FAM107A: variants seen among roughly 807,000 people sequenced by gnomAD.
The protein encoded by FAM107A is family with sequence similarity 107 member A, also known as actin-associated protein FAM107A.
In FAM107A, 19 loss-of-function variants were observed where a neutral mutation model predicts 13.7. The ratio of observed to expected loss-of-function variants is 1.38; its 90% CI spans 0.97 to 2.03. FAM107A has a LOEUF of 2.03. Ranked by LOEUF, FAM107A falls within the 30% of genes most tolerant of loss-of-function variation. The probability of loss-of-function intolerance (pLI) is 0.00; values close to 1 mark genes in which losing one functional copy is unlikely to be tolerated. For missense variants in FAM107A, 203 were observed against 184.4 expected (o/e 1.10, Z -0.58); for synonymous variants, 82 against 74.5 (o/e 1.10, Z -0.52).
At chr3:58,574,525 C>G (rs1426700842) in intron 1 of FAM107A, among the ~76,000 whole-genome samples, 1 of 152,150 alleles carries the variant, frequency 6.6e-6, no homozygotes, top group Non-Finnish European at 1.5e-5. Flanking sequence ...TTCTTAGCAG[C>G]TGTGTGATCT....
chr3:58,572,224 A>G (rs971040322), intron 1 of FAM107A, among the ~76,000 whole-genome samples: 5 of 152,162 alleles, frequency 3.3e-5, no homozygotes, highest in Non-Finnish European at 7.3e-5. Flanking sequence ...TGTGGTAGAC[A>G]CTGGACACAC....
At position 58,592,514 on chromosome 3, in the gene FAM107A, G is replaced by T. The variant is rs1323692450; in HGVS notation, c.-69-3245C>A. Among the ~76,000 whole-genome samples the T allele has an allele frequency of 2.0e-5, 3 of 152,182 alleles. No homozygotes were observed. In the South Asian group the frequency reaches 6.2e-4, roughly 32 times the overall value. On this transcript the variant is annotated intron_variant, in intron 1 of 3. Coordinates refer to the FAM107A transcript ENST00000465970. ...TCCCACAGGGTCTGAGAAGGCCACC[G>T]CGGTCATTTCTTCCCTTCTCTCAGA...
chr3:58,583,620 CAAAA>C (rs35261702), intron 1 of FAM107A, among the ~76,000 whole-genome samples: 4 of 147,386 alleles, frequency 2.7e-5, no homozygotes, highest in African/African-American at 1.0e-4. Flanking sequence ...AAAACTCTGT[CAAAA>C]AAAAAAAAAA....
At chr3:58,602,567 T>C (rs1043774609) in intron 1 of FAM107A, among the ~76,000 whole-genome samples, 1 of 152,190 alleles carries the variant, frequency 6.6e-6, no homozygotes, top group African/African-American at 2.4e-5. Context: ...CGTCCAGCGA[T>C]AGGGGATTGA....
chr3:58,610,863 G>A (rs1276732519), intron 1 of FAM107A, among the ~76,000 whole-genome samples: 2 of 152,180 alleles, frequency 1.3e-5, no homozygotes, highest in African/African-American at 4.8e-5. Flanking sequence ...CTGGGCTGCT[G>A]CAGACATAAG....
intron 1 of FAM107A, among the ~76,000 whole-genome samples, chr3:58,585,131 G>A (rs1338964796): frequency 6.6e-5 from 10 of 152,154 alleles, no homozygotes; most frequent in Non-Finnish European, 1.3e-4. Flanking sequence ...ACCCGCAGGC[G>A]TGCAGCCCCT....
chr3:58,589,666 C>T, upstream of FAM107A, among the ~76,000 whole-genome samples: 1 of 152,178 alleles, frequency 6.6e-6, no homozygotes, highest in African/African-American at 2.4e-5. Flanking sequence ...ATTAATAGAC[C>T]ATATTGATGC....
At chr3:58,602,437 T>G (rs907925896) in intron 1 of FAM107A, among the ~76,000 whole-genome samples, 1 of 152,208 alleles carries the variant, frequency 6.6e-6, no homozygotes, top group Non-Finnish European at 1.5e-5. Flanking sequence ...CAGATATCTG[T>G]GCTTTTCCAT....
At chr3:58,584,856 G>A (rs1254405812) in intron 1 of FAM107A, among the ~76,000 whole-genome samples, 1 of 152,224 alleles carries the variant, frequency 6.6e-6, no homozygotes, top group Non-Finnish European at 1.5e-5. Context: ...ATTCCGTAAC[G>A]GGGCTCTTGA....
upstream of FAM107A, among the ~76,000 whole-genome samples, chr3:58,588,152 C>A (rs975073630): frequency 3.9e-5 from 6 of 152,238 alleles, no homozygotes; most frequent in African/African-American, 1.4e-4. Context: ...ACAACCAAGA[C>A]CCAATCCAGT....
intron 2 of FAM107A, 124 bp from the exon 3 acceptor site, chr3:58,567,488 G>C (rs2063634818): frequency 9.2e-7 from 1 of 1,084,964 alleles, no homozygotes; most frequent in South Asian, 1.6e-5. Flanking sequence ...CTGTAGCCTT[G>C]GAGGTGGACC....
intron 1 of FAM107A, among the ~76,000 whole-genome samples, chr3:58,595,217 C>T: frequency 6.6e-6 from 1 of 152,054 alleles, no homozygotes; most frequent in Non-Finnish European, 1.5e-5. Flanking sequence ...ACCGCCCCAA[C>T]CCTTCACCAC....
At chr3:58,570,194 A>G (rs1186926007) in intron 1 of FAM107A, 2 of 262,642 alleles carry the variant, frequency 7.6e-6, no homozygotes, top group African/African-American at 2.3e-5. Flanking sequence ...TTCGCCCACT[A>G]TAAAAGGAAT....
chr3:58,568,163 A>G (rs549571994), intron 2 of FAM107A, among the ~76,000 whole-genome samples: 6 of 151,304 alleles, frequency 4.0e-5, no homozygotes, highest in Non-Finnish European at 5.9e-5. Flanking sequence ...GGCCAGGCAC[A>G]GTGGCTCACG....
chr3:58,597,291 TG>T (rs1223316663), intron 1 of FAM107A, among the ~76,000 whole-genome samples: 1 of 152,234 alleles, frequency 6.6e-6, no homozygotes, highest in East Asian at 1.9e-4. Context: ...TGTGTCACTT[TG>T]TATTGTACTT....
chr3:58,587,630 G>A (rs1385475171), upstream of FAM107A, among the ~76,000 whole-genome samples: 1 of 152,014 alleles, frequency 6.6e-6, no homozygotes. Flanking sequence ...GGTCTTTGCT[G>A]GGTGTGAAGG....
chr3:58,573,235 C>T (rs558251924), intron 1 of FAM107A, among the ~76,000 whole-genome samples: 4 of 152,256 alleles, frequency 2.6e-5, no homozygotes, highest in African/African-American at 9.6e-5. Flanking sequence ...GTGAGATCCA[C>T]GTATACACCT....
upstream of FAM107A, among the ~76,000 whole-genome samples, chr3:58,588,335 T>A (rs1456205898): frequency 1.3e-5 from 2 of 152,358 alleles, no homozygotes; most frequent in East Asian, 3.9e-4. Flanking sequence ...CCAGCCTTGG[T>A]ACCTTCAAGG....
intron 1 of FAM107A, among the ~76,000 whole-genome samples, chr3:58,575,239 A>C (rs538565937): frequency 1.3e-4 from 20 of 152,288 alleles, no homozygotes; most frequent in Admixed American, 5.9e-4. Context: ...CAGCTGTGTT[A>C]CCTTGGGCAA....
Sources: allele counts gnomAD v4.1 joint callset (sites outside exome capture counted in the v4.1 genomes callset), GRCh38; gene constraint gnomAD v4.1.1; transcripts MANE v1.5; gene names NCBI Gene and HGNC (gene_info 2026-07-23, HGNC 2026-07-21).